RANBP2: variants seen among roughly 807,000 people sequenced by gnomAD.
The protein encoded by RANBP2 is RAN binding protein 2.
Under a neutral mutation model 303.6 loss-of-function variants are expected in RANBP2, and 57 were observed. The ratio of observed to expected loss-of-function variants is 0.19; its 90% confidence interval spans 0.15 to 0.23. The LOEUF (loss-of-function observed/expected upper bound fraction) is 0.23, where lower values mean the gene tolerates loss of function less well. RANBP2 is among the 10% of genes least tolerant of loss of function. The probability of loss-of-function intolerance (pLI) is 1.00; values close to 1 mark genes in which losing one functional copy is unlikely to be tolerated. For missense variants in RANBP2, 3,138 were observed against 3,780.8 expected, an observed-to-expected ratio of 0.83 and a Z score of 4.46; for synonymous variants, 1,167 against 1,301.5, an observed-to-expected ratio of 0.90 and a Z score of 2.23.
chr2:109,492,556 C>A, the RANBP2 span, among the ~76,000 whole-genome samples: 1 of 152,192 alleles, frequency 6.6e-6, no homozygotes, highest in African/African-American at 2.4e-5. Flanking sequence ...TATGTTTCCC[C>A]AAGCGCTACA....
chr2:109,459,290 C>G, the RANBP2 span, among the ~76,000 whole-genome samples: 4 of 152,120 alleles, frequency 2.6e-5, no homozygotes, highest in Non-Finnish European at 5.9e-5. Flanking sequence ...ACAACAGTTA[C>G]AATCCTCATT....
chr2:109,371,520 T>A, the RANBP2 span: 1 of 1,391,208 alleles, frequency 7.2e-7, no homozygotes, highest in Non-Finnish European at 1.0e-6. Context: ...CTAACCAGTG[T>A]CTTGCTTCCT....
the RANBP2 span, among the ~76,000 whole-genome samples, chr2:109,078,098 A>ATATATATAGATAGCGTG: frequency 3.3e-5 from 2 of 60,056 alleles, no homozygotes; most frequent in East Asian, 1.2e-3. Flanking sequence ...ATATATATAT[A>ATATATATAGATAGCGTG]TATATATATA....
chr2:109,068,532 A>C, the RANBP2 span, among the ~76,000 whole-genome samples: 1 of 152,238 alleles, frequency 6.6e-6, no homozygotes, highest in African/African-American at 2.4e-5. Context: ...ACTGGCACAT[A>C]CACAGCACTG....
At chr2:109,522,608 T>TA in the RANBP2 span, among the ~76,000 whole-genome samples, 2 of 150,460 alleles carry the variant, frequency 1.3e-5, no homozygotes, top group African/African-American at 4.9e-5. Flanking sequence ...CCAGCCTTTT[T>TA]TTTTCCAGGC....
At chr2:109,490,918 A>C in the RANBP2 span, 1 of 1,506,280 alleles carries the variant, frequency 6.6e-7, no homozygotes, top group South Asian at 1.3e-5. Context: ...CCCGAGCCCA[A>C]GCTGTTGCCC....
the RANBP2 span, chr2:109,432,734 G>A: frequency 6.5e-7 from 1 of 1,542,258 alleles, no homozygotes; most frequent in Non-Finnish European, 8.7e-7. Flanking sequence ...CCTTACCGCT[G>A]TTGTTACTGC....
chr2:109,667,418 A>G, the RANBP2 span: 1 of 392,916 alleles, frequency 2.5e-6, no homozygotes, highest in Non-Finnish European at 4.6e-6. Context: ...TCACGGCACT[A>G]GAACTATAGG....
At chr2:108,843,883 TTTC>T in the RANBP2 span, among the ~76,000 whole-genome samples, 21 of 124,310 alleles carry the variant, frequency 1.7e-4, 3 homozygotes, top group Admixed American at 1.5e-3. Flanking sequence ...TGTGTGTTTC[TTTC>T]TTTTTTTTTT....
At chr2:108,845,640 C>T in the RANBP2 span, among the ~76,000 whole-genome samples, 8 of 149,526 alleles carry the variant, frequency 5.4e-5, no homozygotes, top group South Asian at 1.1e-3. Flanking sequence ...GGTGCGACCT[C>T]GGCTCACTGC....
the RANBP2 span, among the ~76,000 whole-genome samples, chr2:109,579,696 C>T: frequency 6.6e-6 from 1 of 151,424 alleles, no homozygotes; most frequent in East Asian, 2.0e-4. Context: ...CCCTGATTTT[C>T]ATTGGTTAGT....
the RANBP2 span, among the ~76,000 whole-genome samples, chr2:109,254,031 A>C: frequency 6.6e-6 from 1 of 151,988 alleles, no homozygotes; most frequent in African/African-American, 2.4e-5. Flanking sequence ...GGCACCATTC[A>C]CATCACATTT....
the RANBP2 span, among the ~76,000 whole-genome samples, chr2:109,424,805 A>C: frequency 1.3e-5 from 2 of 152,254 alleles, no homozygotes; most frequent in Admixed American, 1.3e-4. Flanking sequence ...TCCCTTAGAC[A>C]CAACAATACT....
At chr2:108,960,704 C>T in the RANBP2 span, among the ~76,000 whole-genome samples, 1 of 152,156 alleles carries the variant, frequency 6.6e-6, no homozygotes, top group Middle Eastern at 3.2e-3. Flanking sequence ...ACTGCTGGTC[C>T]TACCATATGG....
the RANBP2 span, among the ~76,000 whole-genome samples, chr2:108,955,474 G>A: frequency 6.6e-6 from 1 of 152,160 alleles, no homozygotes; most frequent in Non-Finnish European, 1.5e-5. Flanking sequence ...TAGGCCAGGT[G>A]CAGTGGCTCA....
chr2:108,975,753 G>A, the RANBP2 span, among the ~76,000 whole-genome samples: 8 of 152,172 alleles, frequency 5.3e-5, no homozygotes, highest in Admixed American at 4.6e-4. Flanking sequence ...GGTCCAGCAA[G>A]AGAAGGGTGG....
chr2:109,117,357 C>G, the RANBP2 span, among the ~76,000 whole-genome samples: 1 of 152,366 alleles, frequency 6.6e-6, no homozygotes, highest in African/African-American at 2.4e-5. Flanking sequence ...CCTCCCGCAG[C>G]CTCACTGCCG....
At chr2:109,619,999 T>C in the RANBP2 span, among the ~76,000 whole-genome samples, 8 of 152,204 alleles carry the variant, frequency 5.3e-5, no homozygotes, top group Non-Finnish European at 1.2e-4. Context: ...AAGAACACTA[T>C]ACTTTTTTTC....
intron 17 of RANBP2, among the ~76,000 whole-genome samples, chr2:108,756,415 G>A (rs920660308): frequency 1.3e-5 from 2 of 152,158 alleles, no homozygotes; most frequent in African/African-American, 4.8e-5. Flanking sequence ...GTTCTTTCAT[G>A]TTTATCAGGC....
Sources: allele counts gnomAD v4.1 joint callset (sites outside exome capture counted in the v4.1 genomes callset), GRCh38; gene constraint gnomAD v4.1.1; transcripts MANE v1.5; gene names NCBI Gene and HGNC (gene_info 2026-07-23, HGNC 2026-07-21).